Variants in KIF16B observed in about 807,000 individuals in gnomAD.
KIF16B encodes kinesin family member 16B, also known as kinesin-like protein KIF16B.
Under a neutral mutation model 156.3 loss-of-function variants are expected in KIF16B, and 98 were observed. The ratio of observed to expected loss-of-function variants is 0.63; its 90% CI spans 0.53 to 0.74. The LOEUF is 0.74. KIF16B is among the 30% of genes least tolerant of loss of function. The probability of loss-of-function intolerance (pLI) is 0.00; values close to 1 mark genes in which losing one functional copy is unlikely to be tolerated. For missense variants in KIF16B, 1,421 were observed against 1,606.5 expected, an observed-to-expected ratio of 0.88 and a Z score of 1.97; for synonymous variants, 564 against 583.7, an observed-to-expected ratio of 0.97 and a Z score of 0.49.
intron 17 of KIF16B, among the ~76,000 whole-genome samples, chr20:16,385,284 A>C (rs2065202318): frequency 6.6e-6 from 1 of 152,168 alleles, no homozygotes; most frequent in Non-Finnish European, 1.5e-5. Context: ...GAGGATAAAG[A>C]AGTGAAGCTC....
rs372627389 is a variant in KIF16B, at chr20:16,512,918, A to C, written c.354T>G (p.Asp118Glu). ...CACAGATCCGAGGTATTAAGCCAGA[A>C]TCTCCCTGCATGGGAAAGACCAATG... ...KSYTMMGNSG[D>E]SGLIPRICEG... is the part of the protein sequence containing the mutation. The change falls in exon 5 of 26, where the codon GAT becomes GAG. Residue 118 changes from aspartate to glutamate, a missense_variant. Physicochemically the swap from Asp to Glu is conservative, Grantham distance 45. Coordinates refer to ENST00000354981, the MANE Select transcript of KIF16B (RefSeq NM_024704.5). 2.5e-6 allele frequency: 4 copies of C among 1,604,906 alleles called. No homozygotes were observed. The highest frequency in any genetic ancestry group is 2.7e-5 in the African/African-American group (2 of 74,798).
chr20:16,282,501 A>C (rs1194220374), intron 25 of KIF16B, among the ~76,000 whole-genome samples: 1 of 152,098 alleles, frequency 6.6e-6, no homozygotes, highest in African/African-American at 2.4e-5. Context: ...CTGTATGCCT[A>C]GTCCTGGGAA....
chr20:16,416,162 C>G (rs1328198012), intron 15 of KIF16B, among the ~76,000 whole-genome samples: 1 of 152,154 alleles, frequency 6.6e-6, no homozygotes, highest in East Asian at 1.9e-4. Context: ...TGTAGGTTGT[C>G]TGTTTGCTCT....
At chr20:16,453,096 T>G (rs1416433695) in intron 12 of KIF16B, among the ~76,000 whole-genome samples, 1 of 140,130 alleles carries the variant, frequency 7.1e-6, no homozygotes, top group East Asian at 2.0e-4. Flanking sequence ...AGTGAGACCC[T>G]ATCTTTACCA....
chr20:16,558,025 G>C (rs567703772), intron 1 of KIF16B, among the ~76,000 whole-genome samples: 1 of 152,188 alleles, frequency 6.6e-6, no homozygotes, highest in South Asian at 2.1e-4. Context: ...AAATAGAGGG[G>C]GGACAGGAAA....
intron 21 of KIF16B, 33 bp downstream of exon 21, chr20:16,371,632 G>T: frequency 7.2e-5 from 78 of 1,083,910 alleles, no homozygotes; most frequent in Non-Finnish European, 1.0e-4. Flanking sequence ...GAACGAACTT[G>T]TTACTTCGTG....
chr20:16,492,862 T>C (rs1366421006), intron 12 of KIF16B, among the ~76,000 whole-genome samples: 1 of 152,134 alleles, frequency 6.6e-6, no homozygotes, highest in African/African-American at 2.4e-5. Flanking sequence ...TCCTCCCTCT[T>C]TGACAAATTT....
chr20:16,351,341 G>A (rs1237978354), intron 23 of KIF16B, among the ~76,000 whole-genome samples: 3 of 152,088 alleles, frequency 2.0e-5, no homozygotes, highest in African/African-American at 4.8e-5. Flanking sequence ...TCCCAGGCCC[G>A]TGTTTTGTGC....
intron 3 of KIF16B, among the ~76,000 whole-genome samples, chr20:16,523,321 G>A (rs1250764944): frequency 1.3e-5 from 2 of 152,166 alleles, no homozygotes; most frequent in Non-Finnish European, 2.9e-5. Flanking sequence ...AAGCTGATAA[G>A]CAACTTCAGC....
chr20:16,290,540 T>C (rs2122477583), intron 25 of KIF16B, among the ~76,000 whole-genome samples: 1 of 152,194 alleles, frequency 6.6e-6, no homozygotes, highest in East Asian at 1.9e-4. Context: ...GATAACCTGC[T>C]GCCTGTGTTT....
At chr20:16,524,667 C>A (rs2069472964) in intron 3 of KIF16B, among the ~76,000 whole-genome samples, 2 of 152,130 alleles carry the variant, frequency 1.3e-5, no homozygotes, top group South Asian at 4.1e-4. Context: ...CCAGCAATCC[C>A]ATTACTGGTT....
intron 4 of KIF16B, 51 bp from the exon 5 acceptor site, chr20:16,512,974 G>A (rs1283644578): frequency 7.3e-7 from 1 of 1,367,820 alleles, no homozygotes; most frequent in Non-Finnish European, 1.0e-6. Flanking sequence ...AAAAGCAACT[G>A]ATGACTGAAT....
At chr20:16,531,839 C>T (rs1307038315) in intron 1 of KIF16B, among the ~76,000 whole-genome samples, 3 of 152,038 alleles carry the variant, frequency 2.0e-5, no homozygotes. Context: ...GAGGCCGAGG[C>T]AAGTGGATCA....
At chr20:16,302,494 C>T (rs893790999) in intron 25 of KIF16B, among the ~76,000 whole-genome samples, 7 of 152,168 alleles carry the variant, frequency 4.6e-5, no homozygotes, top group Non-Finnish European at 2.9e-5. Flanking sequence ...ACCAGTACAA[C>T]GCTGTCTTGA....
chr20:16,480,193 G>C (rs2067940634), intron 12 of KIF16B, among the ~76,000 whole-genome samples: 3 of 152,110 alleles, frequency 2.0e-5, no homozygotes, highest in Admixed American at 6.5e-5. Flanking sequence ...ATTCAAAAAG[G>C]AAGAGTATTC....
chr20:16,519,570 G>A (rs992419708), intron 3 of KIF16B, among the ~76,000 whole-genome samples: 2 of 152,264 alleles, frequency 1.3e-5, no homozygotes, highest in African/African-American at 4.8e-5. Context: ...ACAGAGAACT[G>A]GGGATCTTGC....
At position 16,462,514 on chromosome 20, in the gene KIF16B, C is replaced by T. The variant is rs148642302; in HGVS notation, c.1302+31777G>A. 7.2e-3 allele frequency among the ~76,000 whole-genome samples: 1,099 copies of T among 152,172 alleles called. 20 individuals are homozygous for T. Among genetic ancestry groups the T allele is most frequent in the African/African-American group, 0.025 (1,055 of 41,526 alleles). On this transcript the variant is annotated intron_variant, in intron 12 of 25. Transcript: ENST00000354981. ...ACTTCTTCCCTTTCCCTGTCTTATA[C>T]ATATTTCTGTTAAGAATAAATCTAG... is the stretch of plus-strand genomic sequence containing the variant.
intron 23 of KIF16B, among the ~76,000 whole-genome samples, chr20:16,339,581 G>A (rs1294287726): frequency 3.3e-5 from 5 of 152,138 alleles, no homozygotes; most frequent in East Asian, 1.9e-4. Flanking sequence ...CTACTCAGAT[G>A]TCTAATACGC....
At chr20:16,406,568 A>C (rs1166991450) in intron 15 of KIF16B, 112 bp from the exon 16 acceptor site, 8 of 944,820 alleles carry the variant, frequency 8.5e-6, no homozygotes, top group Non-Finnish European at 1.3e-5. Flanking sequence ...ATTATAAAAT[A>C]ATAAGGGAAA....
Sources: gnomAD v4.1 joint callset for allele counts (sites outside exome capture counted in the v4.1 genomes callset) on GRCh38, gnomAD v4.1.1 for gene constraint, MANE v1.5 for transcripts, NCBI Gene and HGNC (gene_info 2026-07-23, HGNC 2026-07-21) for gene names.